ERICH6B: variants seen among roughly 807,000 people sequenced by gnomAD.
ERICH6B encodes the protein glutamate rich 6B.
In ERICH6B, 69 loss-of-function variants were observed where a neutral mutation model predicts 80.0. The observed-to-expected ratio is 0.86, with a 90% CI of 0.71 to 1.05. The LOEUF (loss-of-function observed/expected upper bound fraction) is 1.05. ERICH6B is among the 50% of genes least tolerant of loss of function. The pLI, the probability that ERICH6B is intolerant of heterozygous loss-of-function variation, is 0.00. For synonymous variants in ERICH6B, 283 were observed against 291.9 expected (o/e 0.97, Z 0.31); for missense variants, 754 against 796.1 (o/e 0.95, Z 0.64).
At chr13:45,561,256 G>A in intron 11 of ERICH6B, 113 bp downstream of exon 11, 1 of 1,072,110 alleles carries the variant, frequency 9.3e-7, no homozygotes, top group Non-Finnish European at 1.3e-6. Context: ...ATGCATTTTT[G>A]TGTTTACATT....
At chr13:45,591,886 TTTTTTAAAAAAAGGA>T (rs1334270456) in intron 3 of ERICH6B, among the ~76,000 whole-genome samples, 2 of 152,170 alleles carry the variant, frequency 1.3e-5, no homozygotes, top group Admixed American at 6.5e-5. Flanking sequence ...AAATTTTTCA[TTTTTTAAAAAAAGGA>T]ACAAGAAGAT....
chr13:45,563,520 C>T (rs1253783154), intron 10 of ERICH6B: 1 of 598,992 alleles, frequency 1.7e-6, no homozygotes, highest in Non-Finnish European at 3.0e-6. Flanking sequence ...GCCCCTGCCA[C>T]CAAGAAAGAA....
intron 10 of ERICH6B, 106 bp downstream of exon 10, chr13:45,563,621 T>C (rs1874786149): frequency 9.5e-7 from 1 of 1,048,404 alleles, no homozygotes; most frequent in African/African-American, 1.6e-5. Context: ...CTGAAGTGAG[T>C]GAATGAGCCC....
At chr13:45,567,248 G>A (rs1428953904) in intron 9 of ERICH6B, among the ~76,000 whole-genome samples, 2 of 152,208 alleles carry the variant, frequency 1.3e-5, no homozygotes, top group Non-Finnish European at 2.9e-5. Context: ...TGTCTCAGAT[G>A]AGACTTCGGA....
At chr13:45,590,807 ATTT>A in intron 3 of ERICH6B, 110 bp from the exon 4 acceptor site, 1 of 891,262 alleles carries the variant, frequency 1.1e-6, no homozygotes, top group Non-Finnish European at 1.7e-6. Flanking sequence ...GAAATTTTCT[ATTT>A]TTACTTTTCT....
At chr13:45,549,689 A>G (rs185688127) in intron 13 of ERICH6B, among the ~76,000 whole-genome samples, 2 of 152,364 alleles carry the variant, frequency 1.3e-5, no homozygotes, top group African/African-American at 2.4e-5. Context: ...TATTTCACAC[A>G]TGGAGGAGCA....
Position 45,541,574 on chromosome 13 carries a change from C to T in ERICH6B, c.1979G>A (p.Arg660Lys), listed in dbSNP as rs1435521612. ...KIRVLLGKMN[R>K]LLNYATTPDL... is the part of the protein sequence containing the mutation. ...AGGGGTGGTCGCGTAATTCAGGAGC[C>T]TATTCATTTTCCCCAGAAGGACCCG... Residue 660 changes from arginine to lysine, a missense_variant, in exon 15 of 15, where the codon AGG (arginine) becomes AAG (lysine). Arg to Lys is a conservative substitution (Grantham distance 26). Coordinates refer to ENST00000298738, the MANE Select transcript of ERICH6B (RefSeq NM_182542.3). 2.6e-6 allele frequency: 4 copies of T among 1,551,794 alleles called. No individual in the cohort carries two copies. The highest frequency in any genetic ancestry group is 4.9e-5 in the East Asian group (2 of 40,930).
Position 45,596,961 on chromosome 13 carries a change from G to T in ERICH6B, c.45C>A (p.His15Gln). Residue 15 changes from histidine (H) to glutamine (Q), a missense_variant, in exon 3 of 15, where the codon CAC becomes CAA. Coordinates refer to ENST00000298738, the MANE Select transcript of ERICH6B (RefSeq NM_182542.3). ...TGGAATATTGGGGAGTTGTGGGAGG[G>T]TGAGGAGGTGATGCTCCTGATAACT... is the stretch of plus-strand genomic sequence containing the variant. ...NNQLSGASPP[H>Q]PPTTPQYSTQ... 6.4e-7 allele frequency: 1 copy of T among 1,551,510 alleles called. No homozygotes were observed. The highest frequency in any genetic ancestry group is 2.4e-5 in the East Asian group (1 of 40,914).
intron 2 of ERICH6B, among the ~76,000 whole-genome samples, chr13:45,606,968 A>C (rs977901409): frequency 4.6e-5 from 7 of 152,056 alleles, no homozygotes; most frequent in Admixed American, 1.3e-4. Flanking sequence ...TCTGAGACTA[A>C]CTATCCCTTG....
At chr13:45,606,537 ATATATATATATTTTTTTTT>A (rs1566307868) in intron 2 of ERICH6B, among the ~76,000 whole-genome samples, 208 of 12,820 alleles carry the variant, frequency 0.016, 1 homozygote, top group Non-Finnish European at 0.031. Flanking sequence ...ATATATATAT[ATATATATATATTTTTTTTT>A]TTTTTTTTTT....
At chr13:45,543,655 C>T (rs1474268906) in intron 14 of ERICH6B, among the ~76,000 whole-genome samples, 3 of 152,194 alleles carry the variant, frequency 2.0e-5, no homozygotes, top group African/African-American at 4.8e-5. Context: ...CCCATGGACA[C>T]CTTGATCTCA....
intron 7 of ERICH6B, among the ~76,000 whole-genome samples, chr13:45,577,495 G>A (rs566492554): frequency 3.3e-5 from 5 of 152,068 alleles, no homozygotes; most frequent in African/African-American, 7.2e-5. Context: ...TGTTGGCCAG[G>A]ATGCTCTCTA....
chr13:45,611,869 G>A (rs943405876), intron 1 of ERICH6B, among the ~76,000 whole-genome samples: 5 of 152,160 alleles, frequency 3.3e-5, no homozygotes, highest in Admixed American at 6.5e-5. Flanking sequence ...AGCATGAATC[G>A]AATGGCACAC....
chr13:45,589,494 G>A (rs1201432456), intron 4 of ERICH6B, among the ~76,000 whole-genome samples: 1 of 152,160 alleles, frequency 6.6e-6, no homozygotes, highest in African/African-American at 2.4e-5. Context: ...CCACTGTTCC[G>A]CCTCCCGCTG....
At chr13:45,583,504 C>A (rs556436224) in intron 5 of ERICH6B, among the ~76,000 whole-genome samples, 31 of 152,292 alleles carry the variant, frequency 2.0e-4, no homozygotes, top group African/African-American at 7.0e-4. Flanking sequence ...CTGAAGGAAG[C>A]ACACCAGTTT....
chr13:45,552,897 G>A, intron 11 of ERICH6B: 1 of 197,604 alleles, frequency 5.1e-6, no homozygotes. Context: ...TATCATGGTT[G>A]GCCATGGAGT....
At chr13:45,576,863 G>T (rs1302552362) in intron 7 of ERICH6B, among the ~76,000 whole-genome samples, 1 of 152,126 alleles carries the variant, frequency 6.6e-6, no homozygotes, top group Non-Finnish European at 1.5e-5. Context: ...AACGTGGCTG[G>T]GCACTGTCAA....
At position 45,579,928 on chromosome 13, in the gene ERICH6B, C is replaced by T. The variant is rs1281825624; in HGVS notation, c.961+5G>A. 1.0e-5 allele frequency: 16 copies of T among 1,551,702 alleles called. No individual in the cohort carries two copies. The highest frequency in any genetic ancestry group is 4.1e-5 in the African/African-American group (3 of 73,030). Reference sequence around the variant, plus strand: ...ATCTTTGGATGCATTATGTCAGATGCTCACCATTTTCTTCCTTTTTTTGCT... The same window carrying T: ...ATCTTTGGATGCATTATGTCAGATGTTCACCATTTTCTTCCTTTTTTTGCT... On this transcript the variant is annotated splice_donor_5th_base_variant and intron_variant, in intron 7 of 14. Transcript: ENST00000298738.
chr13:45,547,849 A>G (rs1227973153), intron 13 of ERICH6B, among the ~76,000 whole-genome samples: 1 of 152,188 alleles, frequency 6.6e-6, no homozygotes, highest in Admixed American at 6.5e-5. Flanking sequence ...GGATTCCAGT[A>G]GCAACACTAG....
Sources: gnomAD v4.1 joint callset for allele counts (sites outside exome capture counted in the v4.1 genomes callset) on GRCh38, gnomAD v4.1.1 for gene constraint, MANE v1.5 for transcripts, NCBI Gene and HGNC (gene_info 2026-07-23, HGNC 2026-07-21) for gene names.